The following SGCZ variants were observed in gnomAD, a reference collection of about 807,000 sequenced individuals.
The protein encoded by SGCZ is sarcoglycan zeta.
Under a neutral mutation model 41.3 loss-of-function variants are expected in SGCZ, and 40 were observed. The ratio of observed to expected loss-of-function variants is 0.97; its 90% confidence interval spans 0.75 to 1.26. SGCZ has a LOEUF of 1.26. Among genes scored for constraint, SGCZ ranks in the 50% most tolerant of loss-of-function variants. The pLI, the probability that SGCZ is intolerant of heterozygous loss-of-function variation, is 0.00. For missense variants in SGCZ, 552 were observed against 369.8 expected (o/e 1.49, Z -4.04); for synonymous variants, 206 against 137.5 (o/e 1.50, Z -3.49).
intron 2 of SGCZ, among the ~76,000 whole-genome samples, chr8:14,531,119 C>G (rs995566636): frequency 6.6e-6 from 1 of 152,026 alleles, no homozygotes; most frequent in Non-Finnish European, 1.5e-5. Context: ...CTGATTAGTA[C>G]CGGGATCTTC....
chr8:14,157,715 T>A (rs962838738), intron 5 of SGCZ, among the ~76,000 whole-genome samples: 1 of 152,110 alleles, frequency 6.6e-6, no homozygotes, highest in Non-Finnish European at 1.5e-5. Context: ...CTGGAAATAG[T>A]TGATGCTTCT....
At chr8:14,877,950 G>C (rs572048021) in intron 1 of SGCZ, among the ~76,000 whole-genome samples, 4 of 151,810 alleles carry the variant, frequency 2.6e-5, no homozygotes, top group Non-Finnish European at 5.9e-5. Flanking sequence ...AATCAGTACT[G>C]TTGAGAAGTG....
At chr8:14,617,503 A>T (rs1039506727) in intron 1 of SGCZ, among the ~76,000 whole-genome samples, 8 of 152,114 alleles carry the variant, frequency 5.3e-5, no homozygotes, top group African/African-American at 1.9e-4. Flanking sequence ...TCTGCCTTAA[A>T]ATGTTGAGAT....
At chr8:14,796,132 C>T (rs1159901075) in intron 1 of SGCZ, among the ~76,000 whole-genome samples, 1 of 152,136 alleles carries the variant, frequency 6.6e-6, no homozygotes, top group Non-Finnish European at 1.5e-5. Context: ...CTGCAATGAG[C>T]ATATCTGTGC....
intron 5 of SGCZ, among the ~76,000 whole-genome samples, chr8:14,123,832 C>G (rs986705675): frequency 6.6e-6 from 1 of 152,138 alleles, no homozygotes; most frequent in Non-Finnish European, 1.5e-5. Context: ...ACAAATGATA[C>G]TGATTGCTCA....
chr8:14,479,604 G>A (rs1472353787), intron 2 of SGCZ, among the ~76,000 whole-genome samples: 1 of 152,066 alleles, frequency 6.6e-6, no homozygotes, highest in Non-Finnish European at 1.5e-5. Context: ...TCTTGCTGCT[G>A]CTTCTGCAAT....
chr8:14,229,773 C>T (rs1319403891), intron 4 of SGCZ, among the ~76,000 whole-genome samples: 1 of 152,018 alleles, frequency 6.6e-6, no homozygotes, highest in African/African-American at 2.4e-5. Context: ...CAGGTGTTCA[C>T]TGTAATTGCT....
intron 2 of SGCZ, among the ~76,000 whole-genome samples, chr8:14,405,276 T>C (rs1485339118): frequency 2.6e-5 from 4 of 152,302 alleles, no homozygotes; most frequent in African/African-American, 7.2e-5. Flanking sequence ...TTTAATGGGA[T>C]AGTTAAGCTT....
intron 1 of SGCZ, among the ~76,000 whole-genome samples, chr8:15,230,324 G>A (rs1483940037): frequency 2.0e-5 from 3 of 152,054 alleles, no homozygotes; most frequent in Admixed American, 6.5e-5. Flanking sequence ...ACCATCAGAC[G>A]TTCTTTAAGA....
intron 1 of SGCZ, among the ~76,000 whole-genome samples, chr8:15,001,657 A>G (rs1169153332): frequency 7.1e-6 from 1 of 140,056 alleles, no homozygotes; most frequent in African/African-American, 2.7e-5. Flanking sequence ...TGAACCCAGG[A>G]GGCGGAGCTT....
At chr8:14,209,212 G>A (rs761853606) in intron 4 of SGCZ, among the ~76,000 whole-genome samples, 1 of 152,278 alleles carries the variant, frequency 6.6e-6, no homozygotes. Flanking sequence ...CAACCAATCT[G>A]TGGACTCCAT....
intron 3 of SGCZ, among the ~76,000 whole-genome samples, chr8:14,239,248 AAC>A (rs36209114): frequency 2.0e-5 from 3 of 149,262 alleles, no homozygotes; most frequent in Non-Finnish European, 3.0e-5. Context: ...TTCATACATG[AAC>A]ACACACACAC....
intron 1 of SGCZ, among the ~76,000 whole-genome samples, chr8:14,661,992 A>G (rs1807765917): frequency 6.6e-6 from 1 of 152,150 alleles, no homozygotes; most frequent in Non-Finnish European, 1.5e-5. Flanking sequence ...AAATCACTAG[A>G]CTTATATTAT....
chr8:14,087,701 A>G lies in SGCZ; in HGVS notation c.*2742T>C, dbSNP rs1311700857. The stretch of plus-strand genomic sequence containing the variant: ...TGTTAGGGTACTGTGCAATTAAGGG[A>G]CCACTATATTTTTAAAAAAAAAAAA... On this transcript the variant is annotated 3_prime_UTR_variant, in exon 8 of 8. Coordinates refer to ENST00000382080, the MANE Select transcript of SGCZ (RefSeq NM_139167.4). Among the ~76,000 whole-genome samples the G allele has an allele frequency of 2.1e-5, 3 of 142,784 alleles. No individual in the cohort carries two copies. Among genetic ancestry groups the G allele is most frequent in the African/African-American group, 8.4e-5 (3 of 35,596 alleles). The allele number at this position is 142,784 out of a possible 152,430, so 93.7% of individuals were successfully genotyped here. A position where few individuals can be genotyped will look rare whatever the true frequency, so the allele number is the denominator to read the frequency against.
intron 5 of SGCZ, among the ~76,000 whole-genome samples, chr8:14,141,443 T>C (rs1048795984): frequency 1.3e-5 from 2 of 152,164 alleles, no homozygotes; most frequent in African/African-American, 4.8e-5. Context: ...CTATCCAGAA[T>C]CTACAAAGAA....
intron 2 of SGCZ, among the ~76,000 whole-genome samples, chr8:14,553,618 G>T (rs529883706): frequency 1.3e-5 from 2 of 152,138 alleles, no homozygotes; most frequent in South Asian, 4.1e-4. Context: ...CCACCTGCCC[G>T]CACAGGCTCC....
chr8:14,469,536 A>G (rs187516883), intron 2 of SGCZ, among the ~76,000 whole-genome samples: 91 of 152,226 alleles, frequency 6.0e-4, no homozygotes, highest in African/African-American at 2.1e-3. Context: ...ATTTCCTGGC[A>G]TACAACTCCT....
chr8:15,029,871 G>C (rs1182700883), intron 1 of SGCZ, among the ~76,000 whole-genome samples: 1 of 152,058 alleles, frequency 6.6e-6, no homozygotes, highest in Non-Finnish European at 1.5e-5. Flanking sequence ...AGATCATCTT[G>C]AATTAGAAAT....
At chr8:14,641,639 A>G (rs1021758747) in intron 1 of SGCZ, among the ~76,000 whole-genome samples, 3 of 151,676 alleles carry the variant, frequency 2.0e-5, no homozygotes, top group African/African-American at 7.3e-5. Context: ...ACAGTCTCCA[A>G]AACACAATCT....
Sources: gnomAD v4.1 joint callset for allele counts (sites outside exome capture counted in the v4.1 genomes callset) on GRCh38, gnomAD v4.1.1 for gene constraint, MANE v1.5 for transcripts, NCBI Gene and HGNC (gene_info 2026-07-23, HGNC 2026-07-21) for gene names.